The following GPHN variants were observed in gnomAD, a reference collection of about 807,000 sequenced individuals.
GPHN encodes gephyrin.
Under a neutral mutation model 95.5 loss-of-function variants are expected in GPHN, and 17 were observed. The ratio of observed to expected loss-of-function variants is 0.18; its 90% CI spans 0.12 to 0.27. The LOEUF (loss-of-function observed/expected upper bound fraction) is 0.27, where lower values mean the gene tolerates loss of function less well. Ranked by LOEUF, GPHN falls within the 10% of genes least tolerant of loss-of-function variation. GPHN has a pLI of 1.00. For synonymous variants in GPHN, 320 were observed against 322.5 expected (o/e 0.99, Z 0.08); for missense variants, 660 against 978.1 (o/e 0.67, Z 4.34).
intron 3 of GPHN, among the ~76,000 whole-genome samples, chr14:66,796,595 T>C: frequency 6.6e-6 from 1 of 152,158 alleles, no homozygotes; most frequent in East Asian, 1.9e-4. Flanking sequence ...ATTTCTCTGA[T>C]GGTTAATTAT....
chr14:67,721,448 G>T, the GPHN span, among the ~76,000 whole-genome samples: 1 of 152,204 alleles, frequency 6.6e-6, no homozygotes, highest in African/African-American at 2.4e-5. Context: ...GTCTCACTAA[G>T]TTGCCTAAGC....
the GPHN span, among the ~76,000 whole-genome samples, chr14:67,389,085 G>A: frequency 6.6e-6 from 1 of 151,860 alleles, no homozygotes; most frequent in Non-Finnish European, 1.5e-5. Context: ...AACTGCGATT[G>A]GTGGTATCCC....
At chr14:67,157,603 C>T (rs1254622344) in intron 18 of GPHN, among the ~76,000 whole-genome samples, 1 of 152,096 alleles carries the variant, frequency 6.6e-6, no homozygotes, top group Non-Finnish European at 1.5e-5. Flanking sequence ...GTGGGTGGAT[C>T]GCTTGAGGCC....
At chr14:67,704,941 G>A in the GPHN span, among the ~76,000 whole-genome samples, 1 of 152,206 alleles carries the variant, frequency 6.6e-6, no homozygotes, top group Non-Finnish European at 1.5e-5. Flanking sequence ...GGAACACAAT[G>A]GATTTTGTGC....
At chr14:67,444,377 C>T in the GPHN span, among the ~76,000 whole-genome samples, 1 of 152,116 alleles carries the variant, frequency 6.6e-6, no homozygotes, top group African/African-American at 2.4e-5. Flanking sequence ...GAGAGTGGCC[C>T]CTTTCTGGTA....
At chr14:67,121,297 A>G (rs189737588) in intron 16 of GPHN, among the ~76,000 whole-genome samples, 1 of 152,298 alleles carries the variant, frequency 6.6e-6, no homozygotes, top group East Asian at 1.9e-4. Context: ...TGTTCACATT[A>G]TAAACTGATG....
At chr14:67,642,197 A>G in the GPHN span, 1 of 1,613,856 alleles carries the variant, frequency 6.2e-7, no homozygotes, top group Admixed American at 1.7e-5. Flanking sequence ...CTGCCACCTA[A>G]AAGACTTTGG....
At chr14:67,208,089 G>A in the GPHN span, 27 of 1,437,118 alleles carry the variant, frequency 1.9e-5, no homozygotes, top group Middle Eastern at 1.0e-3. Context: ...TACTCCTCAC[G>A]GGTGCTCAGT....
chr14:66,801,541 C>G (rs989651705), intron 3 of GPHN, among the ~76,000 whole-genome samples: 4 of 151,760 alleles, frequency 2.6e-5, no homozygotes, highest in East Asian at 1.9e-4. Flanking sequence ...AATGAGTCTT[C>G]TCTCATTCTC....
At chr14:67,032,994 T>G (rs1205574429) in intron 10 of GPHN, among the ~76,000 whole-genome samples, 3 of 152,024 alleles carry the variant, frequency 2.0e-5, no homozygotes, top group Non-Finnish European at 4.4e-5. Context: ...AGGTCACTGA[T>G]CTAAGAGAGA....
At chr14:66,740,936 G>C (rs899911071) in intron 2 of GPHN, among the ~76,000 whole-genome samples, 1 of 152,156 alleles carries the variant, frequency 6.6e-6, no homozygotes, top group African/African-American at 2.4e-5. Flanking sequence ...TGGAAAGCCG[G>C]GAAGTCCAGT....
At chr14:67,134,950 C>CTTTTT (rs2079966122) in intron 17 of GPHN, among the ~76,000 whole-genome samples, 8 of 48,974 alleles carry the variant, frequency 1.6e-4, no homozygotes, top group Non-Finnish European at 3.0e-4. Flanking sequence ...TTCTTTCTTT[C>CTTTTT]TTCTTTTTTT....
At chr14:66,764,108 G>A (rs972219149) in intron 2 of GPHN, among the ~76,000 whole-genome samples, 1 of 152,064 alleles carries the variant, frequency 6.6e-6, no homozygotes, top group Non-Finnish European at 1.5e-5. Context: ...GAAATAACGT[G>A]CACAATAAAT....
intron 4 of GPHN, among the ~76,000 whole-genome samples, chr14:66,832,506 AT>A (rs1283240285): frequency 1.3e-5 from 2 of 152,280 alleles, no homozygotes; most frequent in African/African-American, 4.8e-5. Context: ...ACAGCCAGAT[AT>A]GTGAAAAAAT....
intron 3 of GPHN, among the ~76,000 whole-genome samples, chr14:66,819,784 A>G (rs2061120248): frequency 6.6e-6 from 1 of 152,194 alleles, no homozygotes; most frequent in Non-Finnish European, 1.5e-5. Context: ...ACCCAAGAGT[A>G]ATAAATATTT....
At chr14:67,320,265 A>G in the GPHN span, 1 of 1,613,406 alleles carries the variant, frequency 6.2e-7, no homozygotes, top group African/African-American at 1.3e-5. Context: ...CTATGAGGAA[A>G]TGTCACTTTA....
intron 9 of GPHN, among the ~76,000 whole-genome samples, chr14:66,994,703 C>T (rs908086863): frequency 6.6e-6 from 1 of 152,146 alleles, no homozygotes; most frequent in African/African-American, 2.4e-5. Flanking sequence ...AACAAACATA[C>T]ACAGCAAGAT....
At chr14:67,321,902 G>T in the GPHN span, among the ~76,000 whole-genome samples, 1 of 152,116 alleles carries the variant, frequency 6.6e-6, no homozygotes, top group African/African-American at 2.4e-5. Flanking sequence ...TCCCTTTTCT[G>T]ATTCCGATAT....
chr14:66,693,767 C>T (rs751971013), intron 2 of GPHN, among the ~76,000 whole-genome samples: 38 of 152,124 alleles, frequency 2.5e-4, no homozygotes, highest in Admixed American at 8.5e-4. Flanking sequence ...AATCCTTCAA[C>T]CAGTCAAGGT....
Sources: gnomAD v4.1 joint callset for allele counts (sites outside exome capture counted in the v4.1 genomes callset) on GRCh38, gnomAD v4.1.1 for gene constraint, MANE v1.5 for transcripts, NCBI Gene and HGNC (gene_info 2026-07-23, HGNC 2026-07-21) for gene names.